Variants in MIER1 observed in about 807,000 individuals in gnomAD.
The protein encoded by MIER1 is MIER1 transcriptional regulator, also known as mesoderm induction early response protein 1.
A neutral mutation model predicts 75.7 loss-of-function variants in MIER1; 40 were observed. The ratio of observed to expected loss-of-function variants is 0.53; its 90% CI spans 0.41 to 0.69. MIER1 has a LOEUF of 0.69. MIER1 is among the 30% of genes least tolerant of loss of function. The probability of loss-of-function intolerance (pLI) is 0.00; values close to 1 mark genes in which losing one functional copy is unlikely to be tolerated. For missense variants in MIER1, 574 were observed against 680.2 expected (o/e 0.84, Z 1.74); for synonymous variants, 213 against 223.4 (o/e 0.95, Z 0.42).
chr1:66,964,338 G>A (rs1446363010), intron 8 of MIER1, among the ~76,000 whole-genome samples: 2 of 151,828 alleles, frequency 1.3e-5, no homozygotes, highest in African/African-American at 4.8e-5. Context: ...CGCCCATAGT[G>A]CTGGGATTAC....
chr1:66,955,180 T>C (rs1659837552), intron 4 of MIER1, among the ~76,000 whole-genome samples: 1 of 152,168 alleles, frequency 6.6e-6, no homozygotes, highest in African/African-American at 2.4e-5. Flanking sequence ...ATATTTGAGC[T>C]GGATATCATA....
intron 4 of MIER1, among the ~76,000 whole-genome samples, chr1:66,952,983 C>T (rs1305684570): frequency 6.6e-6 from 1 of 152,168 alleles, no homozygotes; most frequent in East Asian, 1.9e-4. Flanking sequence ...ATTATGCTGT[C>T]AGTTTGTAGG....
intron 11 of MIER1, 67 bp downstream of exon 11, chr1:66,973,058 G>A (rs1013301286): frequency 8.3e-5 from 69 of 835,942 alleles, no homozygotes; most frequent in Middle Eastern, 2.2e-4. Flanking sequence ...GTCATGTATC[G>A]TAATTTGTTA....
chr1:66,985,806 A>C lies in MIER1; in HGVS notation c.*906A>C. On this transcript the variant is annotated 3_prime_UTR_variant, in exon 14 of 14. Coordinates refer to ENST00000401041, the MANE Select transcript of MIER1 (RefSeq NM_001077700.3). The stretch of plus-strand genomic sequence containing the variant: ...CAGGTGGTTAAAGCATTCATAAAGG[A>C]TTATAAAATTTTTTTTTTTTTTTTT... The C allele has an allele frequency of 1.3e-6, 1 of 783,844 alleles. No homozygotes were observed. The highest frequency in any genetic ancestry group is 1.5e-6 in the Non-Finnish European group (1 of 655,546). 48.6% of individuals were successfully genotyped at this position (783,844 alleles called of 1,614,324 possible). A position where few individuals can be genotyped will look rare whatever the true frequency, so the allele number is the denominator to read the frequency against.
intron 8 of MIER1, among the ~76,000 whole-genome samples, chr1:66,968,050 T>G (rs894760390): frequency 1.1e-4 from 16 of 152,180 alleles, no homozygotes; most frequent in African/African-American, 3.6e-4. Context: ...TATTTTCCAT[T>G]TTAACATGAT....
intron 4 of MIER1, chr1:66,948,097 C>A: frequency 1.1e-6 from 1 of 928,570 alleles, no homozygotes; most frequent in Non-Finnish European, 1.3e-6. Flanking sequence ...TTGTCTGTAC[C>A]TCCACTGGTT....
chr1:66,926,349 G>A, intron 2 of MIER1, 107 bp downstream of exon 2: 2 of 797,778 alleles, frequency 2.5e-6, no homozygotes, highest in Non-Finnish European at 4.0e-6. Context: ...GAGAACTGAT[G>A]GGCCAAAAAT....
At chr1:66,931,904 T>A (rs1447914188) in intron 2 of MIER1, among the ~76,000 whole-genome samples, 2 of 152,232 alleles carry the variant, frequency 1.3e-5, no homozygotes, top group Non-Finnish European at 2.9e-5. Flanking sequence ...AGCAATGTGC[T>A]ACATAGGTAA....
At chr1:66,940,741 A>C (rs1369759481) in intron 3 of MIER1, among the ~76,000 whole-genome samples, 2 of 152,202 alleles carry the variant, frequency 1.3e-5, no homozygotes, top group East Asian at 3.8e-4. Context: ...ATCTGGATTT[A>C]GGGTTCCCAT....
intron 3 of MIER1, among the ~76,000 whole-genome samples, chr1:66,945,947 A>G (rs1053512080): frequency 2.6e-5 from 4 of 152,210 alleles, no homozygotes; most frequent in African/African-American, 9.6e-5. Context: ...TATTTATAAC[A>G]TTATAAACAC....
At position 66,934,247 on chromosome 1, in the gene MIER1, A is replaced by G. The variant is rs3008863; in HGVS notation, c.169-5781A>G. Among the ~76,000 whole-genome samples the G allele has an allele frequency of 4.4e-3, 671 of 152,272 alleles. 5 individuals are homozygous for G. Among genetic ancestry groups the G allele is most frequent in the African/African-American group, 0.015 (641 of 41,542 alleles). On this transcript the variant is annotated intron_variant, in intron 2 of 13. Transcript: ENST00000401041. ...ATAATAAAAGTAAAGTTAGGTCTTG[A>G]AGAAATCTAAATCTTTTGATCATAG...
At chr1:66,984,525 T>G (rs1666506709) in intron 13 of MIER1, 47 bp from the exon 14 acceptor site, 1 of 1,403,470 alleles carries the variant, frequency 7.1e-7, no homozygotes, top group South Asian at 1.4e-5. Context: ...GTTTGCAAAT[T>G]TAACTTTTTT....
intron 2 of MIER1, among the ~76,000 whole-genome samples, chr1:66,936,728 C>T (rs949568984): frequency 2.6e-5 from 4 of 151,754 alleles, no homozygotes; most frequent in African/African-American, 4.8e-5. Flanking sequence ...AGGCCGGGTG[C>T]GGTGGCTCAC....
rs149080349 is a variant in MIER1 at position 66,945,955 on chromosome 1, C to T, written c.194-195C>T. Among the ~76,000 whole-genome samples the T allele has an allele frequency of 4.8e-3, 734 of 152,314 alleles. 2 individuals are homozygous for T. The highest frequency in any genetic ancestry group is 0.017 in the Middle Eastern group (5 of 294). On this transcript the variant is annotated intron_variant, in intron 3 of 13. Coordinates refer to ENST00000401041, the MANE Select transcript of MIER1 (RefSeq NM_001077700.3). ...TTTTTCATATTTATAACATTATAAACACTTTTAAAGCTATAAACATTTTCC... is the reference window on the plus strand; with the variant it reads ...TTTTTCATATTTATAACATTATAAATACTTTTAAAGCTATAAACATTTTCC...
chr1:66,926,392 TC>T (rs1651781978), intron 2 of MIER1, 150 bp downstream of exon 2: 1 of 611,720 alleles, frequency 1.6e-6, no homozygotes, highest in African/African-American at 1.9e-5. Context: ...AAATAACATG[TC>T]ATCAATGTAA....
intron 4 of MIER1, chr1:66,947,926 C>T (rs902274931): frequency 2.0e-6 from 2 of 985,328 alleles, no homozygotes; most frequent in African/African-American, 1.7e-5. Flanking sequence ...GCTCCTTATC[C>T]TCTGGGTTCG....
At chr1:66,941,358 T>C (rs1341455744) in intron 3 of MIER1, among the ~76,000 whole-genome samples, 1 of 152,238 alleles carries the variant, frequency 6.6e-6, no homozygotes, top group African/African-American at 2.4e-5. Flanking sequence ...TGGTTAAGAT[T>C]GGGAGTAATC....
In MIER1 at chr1:66,987,774, T is replaced by C. The variant is rs1558138378; in HGVS notation, c.*2874T>C. ...TATTGACAAGGCAAATATATATATA[T>C]ACACAGTCTGTTTCTTCTATTCCTA... On this transcript the variant is annotated 3_prime_UTR_variant, in exon 14 of 14. Transcript: ENST00000401041. 1.3e-5 allele frequency: 2 copies of C among 152,096 alleles called. No homozygotes were observed. Among genetic ancestry groups the C allele is most frequent in the African/African-American group, 4.8e-5 (2 of 41,304 alleles). The allele number at this position is 152,096 out of a possible 1,614,324, so 9.4% of individuals were successfully genotyped here. A position where few individuals can be genotyped will look rare whatever the true frequency, so the allele number is the denominator to read the frequency against.
At chr1:66,930,499 T>C in intron 2 of MIER1, 1 of 1,265,082 alleles carries the variant, frequency 7.9e-7, no homozygotes, top group Non-Finnish European at 1.1e-6. Flanking sequence ...GGCCCGGCCC[T>C]GCTGGCGCCG....
Sources: gnomAD v4.1 joint callset for allele counts (sites outside exome capture counted in the v4.1 genomes callset) on GRCh38, gnomAD v4.1.1 for gene constraint, MANE v1.5 for transcripts, NCBI Gene and HGNC (gene_info 2026-07-23, HGNC 2026-07-21) for gene names.